The following JMJD1C variants were observed in gnomAD, a reference collection of about 807,000 sequenced individuals.
JMJD1C encodes the protein jumonji domain-containing protein 1C.
Under a neutral mutation model 245.3 loss-of-function variants are expected in JMJD1C, and 31 were observed. That is an observed-to-expected ratio of 0.13 (90% CI 0.09 to 0.17). The LOEUF (loss-of-function observed/expected upper bound fraction) is 0.17. Ranked by LOEUF, JMJD1C falls within the 10% of genes least tolerant of loss-of-function variation. The probability of loss-of-function intolerance (pLI) is 1.00; values close to 1 mark genes in which losing one functional copy is unlikely to be tolerated. For synonymous variants in JMJD1C, 1,057 were observed against 1,017.4 expected, an observed-to-expected ratio of 1.04 and a Z score of -0.74; for missense variants, 2,691 against 3,000.2, an observed-to-expected ratio of 0.90 and a Z score of 2.41.
intron 1 of JMJD1C, among the ~76,000 whole-genome samples, chr10:63,447,098 T>C (rs78281644): frequency 0.014 from 2,021 of 149,166 alleles, 30 homozygotes; most frequent in African/African-American, 0.034. Context: ...GACAAAACAG[T>C]ATTTAAATAA....
At chr10:63,517,281 C>CT (rs1955049985) in intron 1 of JMJD1C, among the ~76,000 whole-genome samples, 3 of 152,172 alleles carry the variant, frequency 2.0e-5, no homozygotes, top group Admixed American at 2.0e-4. Context: ...TAAATGAACT[C>CT]TTTTAACATG....
chr10:63,220,297 C>CAA (rs1848449848), intron 3 of JMJD1C, among the ~76,000 whole-genome samples: 1 of 152,132 alleles, frequency 6.6e-6, no homozygotes, highest in Non-Finnish European at 1.5e-5. Flanking sequence ...AAGCAATATA[C>CAA]AAATGAAATA....
chr10:63,329,076 G>A (rs1437124960), intron 2 of JMJD1C, among the ~76,000 whole-genome samples: 1 of 152,076 alleles, frequency 6.6e-6, no homozygotes, highest in African/African-American at 2.4e-5. Flanking sequence ...GAGCCCAGGA[G>A]TTCAAGACCA....
chr10:63,427,946 T>C, intron 1 of JMJD1C: 1 of 707,086 alleles, frequency 1.4e-6, no homozygotes, highest in Admixed American at 2.0e-5. Flanking sequence ...AGCAGCAGTT[T>C]GTGTGGCCAG....
At chr10:63,356,732 GAGTAGGA>G in intron 2 of JMJD1C, among the ~76,000 whole-genome samples, 1 of 152,210 alleles carries the variant, frequency 6.6e-6, no homozygotes, top group Non-Finnish European at 1.5e-5. Flanking sequence ...GTGAGGCAGG[GAGTAGGA>G]AGGGAAGGCA....
rs919642339 is a variant in JMJD1C at position 63,167,825 on chromosome 10, T to C, written c.*220A>G. ...TATACACTATAATACAAAACAGCTA[T>C]ATAGTGCTGCTTTTAAAATTCTGCT... On this transcript the variant is annotated 3_prime_UTR_variant, in exon 26 of 26. Transcript: ENST00000399262. 21 of 483,036 alleles carry C rather than the reference T, an allele frequency of 4.3e-5. No individual in the cohort carries two copies. Among genetic ancestry groups the C allele is most frequent in the East Asian group, 4.0e-4 (13 of 32,238 alleles). 29.9% of individuals were successfully genotyped at this position (483,036 alleles called of 1,614,324 possible).
chr10:63,193,205 G>C (rs1845053822), intron 15 of JMJD1C, 54 bp from the exon 16 acceptor site: 29 of 1,515,568 alleles, frequency 1.9e-5, no homozygotes, highest in Non-Finnish European at 2.5e-5. Context: ...AATTCAATTA[G>C]TAGTATAGAT....
At chr10:63,411,394 G>A (rs1282844187) in intron 1 of JMJD1C, among the ~76,000 whole-genome samples, 2 of 150,960 alleles carry the variant, frequency 1.3e-5, no homozygotes, top group East Asian at 1.9e-4. Flanking sequence ...CGCCTCCCGG[G>A]GTCAAGCGAT....
intron 1 of JMJD1C, chr10:63,521,648 A>C: frequency 8.4e-7 from 1 of 1,191,382 alleles, no homozygotes; most frequent in Non-Finnish European, 1.1e-6. Flanking sequence ...GAAGGAGCCG[A>C]GAGGAAAGGG....
intron 1 of JMJD1C, among the ~76,000 whole-genome samples, chr10:63,513,944 T>C (rs567532440): frequency 6.6e-6 from 1 of 151,480 alleles, no homozygotes; most frequent in South Asian, 2.1e-4. Flanking sequence ...TAAAATAAAA[T>C]AACCCCATTT....
chr10:63,425,625 TA>T (rs112607722), intron 1 of JMJD1C, among the ~76,000 whole-genome samples: 57 of 151,456 alleles, frequency 3.8e-4, no homozygotes, highest in African/African-American at 1.3e-3. Context: ...CTACAAAAAA[TA>T]AAAAAAATTA....
chr10:63,204,866 G>A (rs540957009), intron 10 of JMJD1C: 1 of 985,282 alleles, frequency 1.0e-6, no homozygotes, highest in Non-Finnish European at 1.2e-6. Flanking sequence ...ACACAGGCAT[G>A]TGGGAAAACC....
intron 10 of JMJD1C, among the ~76,000 whole-genome samples, chr10:63,201,630 T>C (rs992191694): frequency 4.6e-5 from 7 of 152,114 alleles, no homozygotes; most frequent in African/African-American, 1.7e-4. Flanking sequence ...TAAAAACATA[T>C]TTATTTAAAA....
chr10:63,216,697 G>C (rs985502772), intron 5 of JMJD1C, among the ~76,000 whole-genome samples: 1 of 151,622 alleles, frequency 6.6e-6, no homozygotes, highest in Non-Finnish European at 1.5e-5. Flanking sequence ...GCGACAGAGC[G>C]AGACTCCAGC....
At position 63,495,754 on chromosome 10, in the gene JMJD1C, C is replaced by CAA. The variant is rs34098324; in HGVS notation, n.113+25982_113+25983dup. On this transcript the variant is annotated intron_variant and non_coding_transcript_variant, in intron 1 of 3. Transcript: ENST00000633035. ...GCCTCAAAAAAAACAACTCCTAACT[C>CAA]AAAAAAAAAAAAAAGAAGAAGAAAA... Among the ~76,000 whole-genome samples the CAA allele has an allele frequency of 2.4e-3, 322 of 135,738 alleles. 3 individuals carry two copies. Among genetic ancestry groups the CAA allele is most frequent in the African/African-American group, 6.3e-3 (221 of 34,860 alleles). The allele number at this position is 135,738 out of a possible 152,430, so 89.0% of individuals were successfully genotyped here.
intron 1 of JMJD1C, among the ~76,000 whole-genome samples, chr10:63,491,728 A>G (rs1051488622): frequency 6.6e-6 from 1 of 152,210 alleles, no homozygotes; most frequent in Non-Finnish European, 1.5e-5. Flanking sequence ...AGTTCTTCCC[A>G]TAACAGCTTA....
Position 63,264,709 on chromosome 10 carries a change from A to T in JMJD1C, c.389T>A (p.Phe130Tyr), listed in dbSNP as rs372823907. 8.1e-5 allele frequency: 129 copies of T among 1,602,400 alleles called. No individual in the cohort carries two copies. Among genetic ancestry groups the T allele is most frequent in the Non-Finnish European group, 1.0e-4 (122 of 1,174,258 alleles). ...AAAATCCAGTTGCTTATCTACAAGG[A>T]ATTCTACTGCAGTGACTGAACTGGG... is the stretch of plus-strand genomic sequence containing the variant. ...NIPSSVTAVE[F>Y]LVDKQLDFLT... is the part of the protein sequence containing the mutation. Residue 130 changes from phenylalanine (F) to tyrosine (Y), a missense_variant, in exon 3 of 26, where the codon TTC (phenylalanine) becomes TAC (tyrosine). Phe to Tyr is a conservative substitution (Grantham distance 22). Around this residue, in one of 9 missense-constraint regions of JMJD1C, gnomAD observed 172 missense variants for 240.8 expected, o/e 0.71. Transcript: ENST00000399262.
At chr10:63,267,535 ACT>A (rs1310682512) in intron 2 of JMJD1C, among the ~76,000 whole-genome samples, 6 of 152,174 alleles carry the variant, frequency 3.9e-5, no homozygotes, top group African/African-American at 1.4e-4. Context: ...CTAATTCAAC[ACT>A]CTAAAGATAT....
chr10:63,380,046 C>A (rs959806447), intron 2 of JMJD1C, among the ~76,000 whole-genome samples: 2 of 150,698 alleles, frequency 1.3e-5, no homozygotes, highest in African/African-American at 4.9e-5. Context: ...CTCACGTGAT[C>A]CTCCCACCTC....
Sources: gnomAD v4.1 joint callset for allele counts (sites outside exome capture counted in the v4.1 genomes callset) on GRCh38, gnomAD v4.1.1 for gene constraint, gnomAD v4.1.1 regional missense constraint, MANE v1.5 for transcripts, NCBI Gene and HGNC (gene_info 2026-07-23, HGNC 2026-07-21) for gene names.